LMAN1: variants seen among roughly 807,000 people sequenced by gnomAD.
The protein encoded by LMAN1 is lectin, mannose binding 1.
A neutral mutation model predicts 67.8 loss-of-function variants in LMAN1; 32 were observed. That is an observed-to-expected ratio of 0.47 (90% CI 0.36 to 0.63). The LOEUF is 0.63. Among genes scored for constraint, LMAN1 ranks in the 30% least tolerant of loss-of-function variants. The pLI, the probability that LMAN1 is intolerant of heterozygous loss-of-function variation, is 0.00. For missense variants in LMAN1, 632 were observed against 628.2 expected (o/e 1.01, Z -0.06); for synonymous variants, 235 against 219.3 (o/e 1.07, Z -0.63).
chr18:59,358,972 G>T, intron 1 of LMAN1, 59 bp downstream of exon 1: 1 of 1,532,812 alleles, frequency 6.5e-7, no homozygotes. Flanking sequence ...CGGATGAAAG[G>T]CGAAGAGGCA....
rs763041135 is a variant in LMAN1 at position 59,355,321 on chromosome 18, CATT to C, written c.466_468del (p.Asn156del). 2.5e-6 allele frequency: 4 copies of C among 1,609,332 alleles called. No homozygotes were observed. The highest frequency in any genetic ancestry group is 3.4e-6 in the Non-Finnish European group (4 of 1,176,044). On this transcript the variant is annotated inframe_deletion, in exon 3 of 13. Coordinates refer to ENST00000251047, the MANE Select transcript of LMAN1 (RefSeq NM_005570.4). ...CCTGACAATAAATATACCTTTCCAT[CATT>C]GTCAAAAGAATCAAAAAATATTCCA... is the stretch of plus-strand genomic sequence containing the variant.
intron 8 of LMAN1, among the ~76,000 whole-genome samples, chr18:59,343,300 T>C (rs1371767326): frequency 6.7e-6 from 1 of 149,956 alleles, no homozygotes; most frequent in Admixed American, 6.6e-5. Flanking sequence ...AAAAAAAAAA[T>C]CCTAAAACTC....
intron 11 of LMAN1, 154 bp from the exon 12 acceptor site, chr18:59,331,693 A>T: frequency 1.3e-6 from 1 of 788,922 alleles, no homozygotes. Context: ...ACTTTTACTG[A>T]CAACTGTTTT....
At chr18:59,346,236 T>TTTA (rs1555672076) in intron 7 of LMAN1, among the ~76,000 whole-genome samples, 185 bp from the exon 8 acceptor site, 4 of 102,582 alleles carry the variant, frequency 3.9e-5, no homozygotes, top group Admixed American at 1.0e-4. Context: ...TTTTTTTTTT[T>TTTA]AGAGACAAGA....
chr18:59,345,995 A>G lies in LMAN1; in HGVS notation c.879T>C (p.Phe293=). The change falls in exon 8 of 13, where the codon TTT becomes TTC. Residue 293 remains phenylalanine (F), a synonymous_variant. Transcript: ENST00000251047. ...EKEKEKYQEE[F]EHFQQELDKK... ...TATCCAATTCTTGTTGAAAGTGCTCAAATTCCTCCTGATACTTTTCTTTTT... is the reference window on the plus strand; with the variant it reads ...TATCCAATTCTTGTTGAAAGTGCTCGAATTCCTCCTGATACTTTTCTTTTT... 1.9e-6 allele frequency: 3 copies of G among 1,613,706 alleles called. No homozygotes were observed. The highest frequency in any genetic ancestry group is 2.5e-6 in the Non-Finnish European group (3 of 1,179,846).
chr18:59,333,166 T>C lies in LMAN1; in HGVS notation c.1299A>G (p.Thr433=), dbSNP rs769209209. The C allele has an allele frequency of 1.2e-6, 2 of 1,613,522 alleles. No homozygotes were observed. The highest frequency in any genetic ancestry group is 1.7e-6 in the Non-Finnish European group (2 of 1,179,508). The change falls in exon 11 of 13, where the codon ACA becomes ACG. Residue 433 remains threonine, a synonymous_variant. Transcript: ENST00000251047. The stretch of plus-strand genomic sequence containing the variant: ...GCTCTTTGATGTCAATGAAGTGCTG[T>C]GTTGTCTCATAGACGCCTCCAGCAG... ...PGSAGGVYET[T]QHFIDIKEHL...
At chr18:59,333,624 A>AC (rs1311853882) in intron 10 of LMAN1, 5 of 214,400 alleles carry the variant, frequency 2.3e-5, no homozygotes, top group Non-Finnish European at 3.7e-5. Flanking sequence ...TCCTATAGGC[A>AC]CACTCACACA....
chr18:59,353,128 C>A, intron 5 of LMAN1, 74 bp downstream of exon 5: 1 of 1,280,440 alleles, frequency 7.8e-7, no homozygotes, highest in East Asian at 2.3e-5. Flanking sequence ...CATTTAATTT[C>A]TATCAAAAAT....
At position 59,331,507 on chromosome 18, in the gene LMAN1, T is replaced by C. The variant is rs773642435; in HGVS notation, c.1407A>G (p.Leu469=). 4.3e-6 allele frequency: 7 copies of C among 1,612,952 alleles called. No individual in the cohort carries two copies. Among genetic ancestry groups the C allele is most frequent in the Non-Finnish European group, 5.9e-6 (7 of 1,179,056 alleles). The part of the protein sequence containing the change: ...PSNEKPKCPE[L]PPFPSCLSTV... ...TAGACAAACATGATGGAAATGGTGG[T>C]AGTTCTGGGCATTTCGGCTTTTCAT... Residue 469 remains leucine, a synonymous_variant, in exon 12 of 13, where the codon CTA becomes CTG. Coordinates refer to ENST00000251047, the MANE Select transcript of LMAN1 (RefSeq NM_005570.4).
In LMAN1 at chr18:59,355,486, T is replaced by C. The variant is rs372524786; in HGVS notation, c.369+18A>G. 52 of 1,613,986 alleles carry C rather than the reference T, an allele frequency of 3.2e-5. No individual in the cohort carries two copies. The highest frequency in any genetic ancestry group is 4.0e-5 in the Non-Finnish European group (47 of 1,179,950). On this transcript the variant is annotated intron_variant, in intron 2 of 12. Coordinates refer to ENST00000251047, the MANE Select transcript of LMAN1 (RefSeq NM_005570.4). ...TATGCATTTATGCACATTTTCTAAGTTAAAGAAATGATCATACTAGGCCAT... is the reference window on the plus strand; with the variant it reads ...TATGCATTTATGCACATTTTCTAAGCTAAAGAAATGATCATACTAGGCCAT...
intron 10 of LMAN1, among the ~76,000 whole-genome samples, chr18:59,333,862 AAG>A (rs1288339116): frequency 6.6e-6 from 1 of 152,144 alleles, no homozygotes; most frequent in Non-Finnish European, 1.5e-5. Context: ...AAAAAAAAAA[AAG>A]AGACTCAAAT....
At chr18:59,331,163 T>C in intron 12 of LMAN1, 34 bp from the exon 13 acceptor site, 1 of 1,568,902 alleles carries the variant, frequency 6.4e-7, no homozygotes, top group South Asian at 1.1e-5. Context: ...CTTAAAGAAG[T>C]TCTATACGCT....
chr18:59,354,668 T>A, intron 3 of LMAN1, 88 bp from the exon 4 acceptor site: 1 of 680,710 alleles, frequency 1.5e-6, no homozygotes, highest in Non-Finnish European at 2.5e-6. Context: ...CTTACATATC[T>A]AAGATTCTAG....
chr18:59,335,710 G>A (rs1267516889), intron 10 of LMAN1, among the ~76,000 whole-genome samples: 2 of 152,102 alleles, frequency 1.3e-5, no homozygotes, highest in Admixed American at 1.3e-4. Flanking sequence ...AAAGAATCTA[G>A]CTGGATCCTA....
intron 8 of LMAN1, among the ~76,000 whole-genome samples, chr18:59,339,861 C>T (rs1364813383): frequency 2.0e-5 from 3 of 152,106 alleles, no homozygotes; most frequent in African/African-American, 7.2e-5. Flanking sequence ...CCTCTCTGGT[C>T]CCAGACCCAA....
At position 59,333,243 on chromosome 18, in the gene LMAN1, T is replaced by A; in HGVS notation, c.1222A>T (p.Asn408Tyr). 6.2e-7 allele frequency: 1 copy of A among 1,613,104 alleles called. No individual in the cohort carries two copies. Among genetic ancestry groups the A allele is most frequent in the Non-Finnish European group, 8.5e-7 (1 of 1,179,448 alleles). ...AGTCTGACGGTTTCACTCATGGAAT[T>A]TCTGAAACAGAAAGTCTCTTGATAC... is the stretch of plus-strand genomic sequence containing the variant. ...EILRQVNEMK[N>Y]SMSETVRLVS... The change falls in exon 11 of 13, where the codon AAT (asparagine) becomes TAT (tyrosine). Residue 408 changes from asparagine (N) to tyrosine (Y), a missense_variant and splice_region_variant. By Grantham distance (143) the Asn-to-Tyr change is moderately radical. Transcript: ENST00000251047.
chr18:59,340,801 G>T (rs2144217366), intron 8 of LMAN1, among the ~76,000 whole-genome samples: 1 of 152,198 alleles, frequency 6.6e-6, no homozygotes, highest in South Asian at 2.1e-4. Flanking sequence ...ATGGAAAAAA[G>T]AAAGGAACAA....
At chr18:59,358,934 C>G in intron 1 of LMAN1, 97 bp downstream of exon 1, 2 of 1,244,872 alleles carry the variant, frequency 1.6e-6, no homozygotes, top group South Asian at 1.2e-5. Context: ...GCTGCTGGAA[C>G]GGGAACCTCA....
At chr18:59,338,266 T>G (rs1161602518) in intron 10 of LMAN1, among the ~76,000 whole-genome samples, 1 of 152,178 alleles carries the variant, frequency 6.6e-6, no homozygotes, top group Non-Finnish European at 1.5e-5. Flanking sequence ...TTTTTATATT[T>G]TATAAATATA....
Sources: gnomAD v4.1 joint callset for allele counts (sites outside exome capture counted in the v4.1 genomes callset) on GRCh38, gnomAD v4.1.1 for gene constraint, MANE v1.5 for transcripts, NCBI Gene and HGNC (gene_info 2026-07-23, HGNC 2026-07-21) for gene names.